HERC2: variants seen among roughly 807,000 people sequenced by gnomAD.
HERC2 encodes E3 ubiquitin-protein ligase HERC2.
HERC2 carries 102 observed loss-of-function variants against 537.7 expected under a neutral mutation model. That is an observed-to-expected ratio of 0.19 (90% CI 0.16 to 0.22). The LOEUF (loss-of-function observed/expected upper bound fraction) is 0.22. Among genes scored for constraint, HERC2 ranks in the 10% least tolerant of loss-of-function variants. The pLI is 1.00. For synonymous variants in HERC2, 2,224 were observed against 2,466.2 expected (o/e 0.90, Z 2.91); for missense variants, 4,236 against 6,198.2 (o/e 0.68, Z 10.63).
chr15:28,149,035 T>C lies in HERC2; in HGVS notation c.10901-2691A>G, dbSNP rs575215179. ...ATCACCGAGAACGGCCGCACAAACGTACATTCTAGTAAAATTACCGAAAAA... is the reference window on the plus strand; with the variant it reads ...ATCACCGAGAACGGCCGCACAAACGCACATTCTAGTAAAATTACCGAAAAA... On this transcript the variant is annotated intron_variant, in intron 70 of 92. Transcript: ENST00000261609. Among the ~76,000 whole-genome samples the C allele has an allele frequency of 4.9e-4, 70 of 142,286 alleles. No homozygotes were observed. The East Asian group carries it at 0.014, about 28-fold the overall frequency. 93.3% of individuals were successfully genotyped at this position (142,286 alleles called of 152,430 possible).
rs1892067203 is a variant in HERC2 at position 28,148,906 on chromosome 15, G to T, written c.10901-2562C>A. On this transcript the variant is annotated intron_variant, in intron 70 of 92. Coordinates refer to ENST00000261609, the MANE Select transcript of HERC2 (RefSeq NM_004667.6). ...AAACGTATATTCTAGTAAAATTACT[G>T]AAAAAACACACAACTCCTAACTGAA... 2.0e-5 allele frequency among the ~76,000 whole-genome samples: 3 copies of T among 148,578 alleles called. No homozygotes were observed. The South Asian group carries it at 6.5e-4, about 32-fold the overall frequency.
chr15:28,310,366 G>A (rs1478366456), intron 2 of HERC2, among the ~76,000 whole-genome samples: 2 of 152,042 alleles, frequency 1.3e-5, no homozygotes, highest in East Asian at 3.8e-4. Context: ...AACTGCTTGA[G>A]ACCAGGAGGT....
chr15:28,306,646 A>G (rs573756006), intron 2 of HERC2, among the ~76,000 whole-genome samples: 1 of 152,304 alleles, frequency 6.6e-6, no homozygotes, highest in African/African-American at 2.4e-5. Context: ...TAGGATTGGT[A>G]ACAGTTCTTC....
At position 28,245,672 on chromosome 15, in the gene HERC2, CAT is replaced by C. The variant is rs1555438461; in HGVS notation, c.3577+207_3577+208del. On this transcript the variant is annotated intron_variant, in intron 23 of 92. Transcript: ENST00000261609. ...ACACACTCATATATACACACACACA[CAT>C]ACATAAACACACATATATTTGGTTA... Among the ~76,000 whole-genome samples the C allele has an allele frequency of 9.3e-4, 141 of 151,266 alleles. 3 individuals are homozygous for C. The highest frequency in any genetic ancestry group is 8.1e-3 in the South Asian group (39 of 4,808).
At chr15:28,281,544 T>C (rs2076020005) in intron 4 of HERC2, among the ~76,000 whole-genome samples, 1 of 152,110 alleles carries the variant, frequency 6.6e-6, no homozygotes, top group Non-Finnish European at 1.5e-5. Context: ...ACTACCTGGA[T>C]ATGCTCTCCA....
intron 3 of HERC2, among the ~76,000 whole-genome samples, chr15:28,293,337 C>CA (rs1216077259): frequency 2.0e-5 from 3 of 151,734 alleles, no homozygotes; most frequent in South Asian, 2.1e-4. Context: ...ACTAAAAATA[C>CA]AAAAAATTAG....
chr15:28,308,143 T>C (rs1252066138), intron 2 of HERC2, among the ~76,000 whole-genome samples: 3 of 152,286 alleles, frequency 2.0e-5, no homozygotes, highest in East Asian at 3.8e-4. Flanking sequence ...TTGCTTTGGG[T>C]AGTATGGACA....
At chr15:28,263,670 A>ATATTTT (rs1013816678) in intron 14 of HERC2, among the ~76,000 whole-genome samples, 1 of 152,212 alleles carries the variant, frequency 6.6e-6, no homozygotes, top group Non-Finnish European at 1.5e-5. Context: ...GCAAAAGTAA[A>ATATTTT]TATTTTTATT....
At chr15:28,200,855 T>A (rs1897837394) in intron 48 of HERC2, among the ~76,000 whole-genome samples, 1 of 142,368 alleles carries the variant, frequency 7.0e-6, no homozygotes, top group South Asian at 2.5e-4. Context: ...TTTGGGGGAT[T>A]TTCTCTAAAA....
chr15:28,135,748 T>C, intron 78 of HERC2, 56 bp from the exon 79 acceptor site: 1 of 1,282,848 alleles, frequency 7.8e-7, no homozygotes, highest in Non-Finnish European at 1.1e-6. Context: ...ATCCCCTAAA[T>C]TTACTAATTC....
chr15:28,197,863 G>A (rs1384810044), intron 50 of HERC2, among the ~76,000 whole-genome samples: 2 of 152,216 alleles, frequency 1.3e-5, no homozygotes, highest in Non-Finnish European at 2.9e-5. Flanking sequence ...CTCTGTGACT[G>A]ATGAATCAAG....
At chr15:28,314,198 A>C (rs1375737529) in intron 2 of HERC2, among the ~76,000 whole-genome samples, 1 of 152,222 alleles carries the variant, frequency 6.6e-6, no homozygotes, top group African/African-American at 2.4e-5. Context: ...ACAAAGATAC[A>C]AGACCACATC....
chr15:28,208,738 A>G (rs528796946), intron 44 of HERC2, among the ~76,000 whole-genome samples: 63 of 152,228 alleles, frequency 4.1e-4, no homozygotes, highest in African/African-American at 1.5e-3. Flanking sequence ...ACCACCAGCA[A>G]AGTGCTTGTC....
chr15:28,130,244 G>A lies in HERC2; in HGVS notation c.12721C>T (p.Arg4241Trp), dbSNP rs1889967102. 6.2e-7 allele frequency: 1 copy of A among 1,614,154 alleles called. No homozygotes were observed. The highest frequency in any genetic ancestry group is 8.5e-7 in the Non-Finnish European group (1 of 1,180,030). The change falls in exon 83 of 93, where the codon CGG (arginine) becomes TGG (tryptophan). Residue 4241 changes from arginine to tryptophan, a missense_variant. Around this residue, in one of 27 missense-constraint regions of HERC2, gnomAD observed 189 missense variants for 255.7 expected, o/e 0.74. Coordinates refer to ENST00000261609, the MANE Select transcript of HERC2 (RefSeq NM_004667.6). ...HGSDDHVRRP[R>W]QVQGLQGKKV... ...TTCCCCTGCAACCCTTGGACCTGCCGAGGCCTTCGAACATGGTCATCTGAT... is the reference window on the plus strand; with the variant it reads ...TTCCCCTGCAACCCTTGGACCTGCCAAGGCCTTCGAACATGGTCATCTGAT...
At chr15:28,304,366 C>CTT (rs567606595) in intron 2 of HERC2, among the ~76,000 whole-genome samples, 16 of 137,428 alleles carry the variant, frequency 1.2e-4, no homozygotes, top group South Asian at 2.4e-4. Flanking sequence ...TTTATTTCTT[C>CTT]TTTTTTTTTT....
chr15:28,142,576 G>A (rs1350966944), intron 75 of HERC2, 183 bp from the exon 76 acceptor site: 4 of 660,914 alleles, frequency 6.1e-6, no homozygotes, highest in Non-Finnish European at 1.1e-5. Flanking sequence ...CCACACAACT[G>A]CTGCAACACT....
chr15:28,240,331 T>C (rs942030501), intron 23 of HERC2, among the ~76,000 whole-genome samples: 1 of 152,096 alleles, frequency 6.6e-6, no homozygotes, highest in Non-Finnish European at 1.5e-5. Flanking sequence ...GGCAGGAGAA[T>C]GGCATGAACC....
At chr15:28,205,248 C>A (rs2140365446) in intron 45 of HERC2, among the ~76,000 whole-genome samples, 1 of 139,554 alleles carries the variant, frequency 7.2e-6, no homozygotes, top group Non-Finnish European at 1.5e-5. Flanking sequence ...CTCTACACGG[C>A]CTTCCAGTTG....
chr15:28,220,635 G>A lies in HERC2; in HGVS notation c.5662C>T (p.Pro1888Ser), dbSNP rs536162275. ...DWKWGDQDGP[P>S]PGLGRVIGEL... ...CCAATCACGCGGCCTAGGCCTGGAG[G>A]AGGCCCATCCTGAGAAAGCCAAAGT... is the stretch of plus-strand genomic sequence containing the variant. Residue 1888 changes from proline (P) to serine (S), a missense_variant, in exon 37 of 93, where the codon CCT becomes TCT. Transcript: ENST00000261609. 108 of 1,603,984 alleles carry A rather than the reference G, an allele frequency of 6.7e-5. No individual in the cohort carries two copies. In the South Asian group the frequency reaches 1.1e-3, roughly 16 times the overall value.
Sources: gnomAD v4.1 joint callset for allele counts (sites outside exome capture counted in the v4.1 genomes callset) on GRCh38, gnomAD v4.1.1 for gene constraint, gnomAD v4.1.1 regional missense constraint, MANE v1.5 for transcripts, NCBI Gene and HGNC (gene_info 2026-07-23, HGNC 2026-07-21) for gene names.